The following KCNIP4 variants were observed in gnomAD, a reference collection of about 807,000 sequenced individuals.
KCNIP4 encodes the protein Kv channel-interacting protein 4.
A neutral mutation model predicts 34.0 loss-of-function variants in KCNIP4; 12 were observed. That is an observed-to-expected ratio of 0.35 (90% CI 0.23 to 0.57). KCNIP4 has a LOEUF of 0.57. Among genes scored for constraint, KCNIP4 ranks in the 20% least tolerant of loss-of-function variants. The pLI, the probability that KCNIP4 is intolerant of heterozygous loss-of-function variation, is 0.83. For synonymous variants in KCNIP4, 124 were observed against 102.2 expected, an observed-to-expected ratio of 1.21 and a Z score of -1.29; for missense variants, 238 against 311.7, an observed-to-expected ratio of 0.76 and a Z score of 1.78.
At chr4:21,039,126 G>A (rs1191921129) in intron 1 of KCNIP4, among the ~76,000 whole-genome samples, 1 of 152,206 alleles carries the variant, frequency 6.6e-6, no homozygotes, top group Non-Finnish European at 1.5e-5. Context: ...TTGGGAGGCT[G>A]AGGCAGGTGG....
chr4:21,633,945 C>G (rs1392353079), intron 1 of KCNIP4, among the ~76,000 whole-genome samples: 1 of 151,986 alleles, frequency 6.6e-6, no homozygotes, highest in Non-Finnish European at 1.5e-5. Context: ...ATTCTCATAT[C>G]TGCTTCTGGA....
intron 1 of KCNIP4, among the ~76,000 whole-genome samples, chr4:21,699,736 C>T (rs1486243700): frequency 1.3e-5 from 2 of 152,118 alleles, no homozygotes; most frequent in Non-Finnish European, 2.9e-5. Flanking sequence ...GGATAAAGTC[C>T]GGGGCTACAG....
At chr4:21,701,469 T>C (rs1358967527) in intron 1 of KCNIP4, among the ~76,000 whole-genome samples, 2 of 152,178 alleles carry the variant, frequency 1.3e-5, no homozygotes, top group African/African-American at 4.8e-5. Context: ...CTTGATTTAA[T>C]CTTTCTGCAA....
intron 1 of KCNIP4, among the ~76,000 whole-genome samples, chr4:21,031,754 T>C (rs1403125896): frequency 1.3e-5 from 2 of 152,226 alleles, no homozygotes; most frequent in Non-Finnish European, 2.9e-5. Context: ...GCTAACTTCA[T>C]ACAAATTCGA....
At position 21,346,176 on chromosome 4, in the gene KCNIP4, A is replaced by T. The variant is rs1401725754; in HGVS notation, c.62-463467T>A. Among the ~76,000 whole-genome samples, 27 of 91,210 alleles carry T rather than the reference A, an allele frequency of 3.0e-4. 1 individual carries two copies. In the South Asian group the frequency reaches 3.7e-3, roughly 12 times the overall value. 59.8% of individuals were successfully genotyped at this position (91,210 alleles called of 152,430 possible). A position where few individuals can be genotyped will look rare whatever the true frequency, so the allele number is the denominator to read the frequency against. ...AATATATAATATATAGAAATCTGTA[A>T]TATATATTATATATATAGAATTATA... On this transcript the variant is annotated intron_variant, in intron 1 of 8. Transcript: ENST00000382152.
At chr4:21,358,943 T>G (rs1007179715) in intron 1 of KCNIP4, among the ~76,000 whole-genome samples, 1 of 152,134 alleles carries the variant, frequency 6.6e-6, no homozygotes, top group Non-Finnish European at 1.5e-5. Flanking sequence ...CTTATATATG[T>G]TGATTAATGT....
intron 5 of KCNIP4, among the ~76,000 whole-genome samples, chr4:20,748,562 A>T (rs1396699150): frequency 6.9e-4 from 1 of 1,456 alleles, no homozygotes; most frequent in Admixed American, 6.0e-3. Flanking sequence ...TCCAAATTTT[A>T]TATATATATA....
At chr4:21,588,037 T>C (rs1351459020) in intron 1 of KCNIP4, among the ~76,000 whole-genome samples, 1 of 152,034 alleles carries the variant, frequency 6.6e-6, no homozygotes, top group Admixed American at 6.6e-5. Context: ...CTTCCATCTA[T>C]TGATTTTAGT....
intron 1 of KCNIP4, among the ~76,000 whole-genome samples, chr4:20,925,306 G>A (rs933687741): frequency 1.3e-5 from 2 of 152,048 alleles, no homozygotes; most frequent in African/African-American, 2.4e-5. Flanking sequence ...ATTCCCAGAT[G>A]GTTAGGGCAT....
chr4:20,940,511 T>C (rs1472860560), intron 1 of KCNIP4, among the ~76,000 whole-genome samples: 1 of 152,170 alleles, frequency 6.6e-6, no homozygotes, highest in African/African-American at 2.4e-5. Flanking sequence ...GTTTTTCATG[T>C]TCAGAGATTG....
chr4:20,907,506 A>C (rs1727887898), intron 1 of KCNIP4, among the ~76,000 whole-genome samples: 1 of 152,222 alleles, frequency 6.6e-6, no homozygotes, highest in Non-Finnish European at 1.5e-5. Flanking sequence ...AAAACTAAAA[A>C]TATCATTGAG....
chr4:21,863,873 T>C (rs1484457855), intron 1 of KCNIP4, among the ~76,000 whole-genome samples: 2 of 152,196 alleles, frequency 1.3e-5, no homozygotes, highest in Non-Finnish European at 2.9e-5. Context: ...GATTATCTAT[T>C]ATATGTGAAG....
At chr4:21,383,054 T>C (rs1721666335) in intron 1 of KCNIP4, among the ~76,000 whole-genome samples, 1 of 152,130 alleles carries the variant, frequency 6.6e-6, no homozygotes, top group Non-Finnish European at 1.5e-5. Flanking sequence ...GTGCCTATTG[T>C]CAGAAGAAGA....
At chr4:21,216,902 A>G (rs544430869) in intron 1 of KCNIP4, among the ~76,000 whole-genome samples, 1 of 152,338 alleles carries the variant, frequency 6.6e-6, no homozygotes, top group African/African-American at 2.4e-5. Context: ...AGATAGGAAC[A>G]TCTAACATAA....
intron 1 of KCNIP4, among the ~76,000 whole-genome samples, chr4:21,054,121 T>C (rs541231837): frequency 1.3e-5 from 2 of 152,190 alleles, no homozygotes; most frequent in South Asian, 2.1e-4. Context: ...CAAAAGTTTA[T>C]ATGGAGAGGC....
At position 21,595,236 on chromosome 4, in the gene KCNIP4, G is replaced by T. The variant is rs1008919626; in HGVS notation, c.61+353335C>A. Among the ~76,000 whole-genome samples, 4 of 152,224 alleles carry T rather than the reference G, an allele frequency of 2.6e-5. No individual in the cohort carries two copies. The East Asian group carries it at 5.8e-4, about 22-fold the overall frequency. On this transcript the variant is annotated intron_variant, in intron 1 of 8. Coordinates refer to ENST00000382152, the MANE Select transcript of KCNIP4 (RefSeq NM_025221.6). ...AACTCCCACTAATGAGTGAGAACAT[G>T]AGATGTTTGGTTTTCTGTTCCTGTG...
intron 1 of KCNIP4, among the ~76,000 whole-genome samples, chr4:21,507,553 G>C (rs1225183892): frequency 6.6e-6 from 1 of 152,116 alleles, no homozygotes; most frequent in African/African-American, 2.4e-5. Flanking sequence ...CACTGCACCA[G>C]GCCAGGCAAT....
At chr4:20,742,631 C>T (rs549027058) in intron 5 of KCNIP4, among the ~76,000 whole-genome samples, 11 of 152,192 alleles carry the variant, frequency 7.2e-5, no homozygotes, top group African/African-American at 2.6e-4. Flanking sequence ...AAAAACTGGA[C>T]TCATTCCCTT....
chr4:21,475,068 T>C (rs1039615085), intron 1 of KCNIP4, among the ~76,000 whole-genome samples: 1 of 151,620 alleles, frequency 6.6e-6, no homozygotes, highest in Non-Finnish European at 1.5e-5. Context: ...TTATAATCAA[T>C]GCTTTGTTCT....
Sources: gnomAD v4.1 joint callset for allele counts (sites outside exome capture counted in the v4.1 genomes callset) on GRCh38, gnomAD v4.1.1 for gene constraint, MANE v1.5 for transcripts, NCBI Gene and HGNC (gene_info 2026-07-23, HGNC 2026-07-21) for gene names.